Variants in WASF3 observed in about 807,000 individuals in gnomAD.
WASF3 encodes the protein WASP family member 3, also known as actin-binding protein WASF3.
A neutral mutation model predicts 46.6 loss-of-function variants in WASF3; 11 were observed. That is an observed-to-expected ratio of 0.24 (90% CI 0.15 to 0.39). The LOEUF (loss-of-function observed/expected upper bound fraction) is 0.39. Ranked by LOEUF, WASF3 falls within the 10% of genes least tolerant of loss-of-function variation. The probability of loss-of-function intolerance (pLI) is 1.00; values close to 1 mark genes in which losing one functional copy is unlikely to be tolerated. For synonymous variants in WASF3, 242 were observed against 259.7 expected (o/e 0.93, Z 0.65); for missense variants, 576 against 669.8 (o/e 0.86, Z 1.55).
Position 26,688,301 on chromosome 13 carries a change from C to T in WASF3, c.*2456C>T, listed in dbSNP as rs1320768334. ...TTTACCAAAACAAATGGAGAAGAAA[C>T]ATCCAAAAGCACATTTCATTTCTCC... On this transcript the variant is annotated 3_prime_UTR_variant, in exon 10 of 10. Coordinates refer to ENST00000335327, the MANE Select transcript of WASF3 (RefSeq NM_006646.6). 1 of 152,170 alleles carries T rather than the reference C, an allele frequency of 6.6e-6. No homozygotes were observed. The highest frequency in any genetic ancestry group is 1.5e-5 in the Non-Finnish European group (1 of 68,026). 9.4% of individuals were successfully genotyped at this position (152,170 alleles called of 1,614,324 possible). A position where few individuals can be genotyped will look rare whatever the true frequency, so the allele number is the denominator to read the frequency against.
chr13:26,558,862 AG>A (rs1323449989), intron 1 of WASF3, among the ~76,000 whole-genome samples: 1 of 152,222 alleles, frequency 6.6e-6, no homozygotes, highest in Non-Finnish European at 1.5e-5. Context: ...ACTTTTTATA[AG>A]GGGGAGAGGA....
intron 2 of WASF3, among the ~76,000 whole-genome samples, chr13:26,615,341 G>T (rs753137967): frequency 7.3e-5 from 11 of 151,650 alleles, no homozygotes; most frequent in Non-Finnish European, 1.2e-4. Flanking sequence ...ACGGAGTCTC[G>T]CTCTGTCACC....
chr13:26,564,175 C>T (rs1879386757), intron 1 of WASF3, among the ~76,000 whole-genome samples: 1 of 152,104 alleles, frequency 6.6e-6, no homozygotes, highest in African/African-American at 2.4e-5. Context: ...AAGCTGCTGC[C>T]CTCAGAAAGC....
At chr13:26,669,509 A>C (rs1882868445) in intron 5 of WASF3, among the ~76,000 whole-genome samples, 1 of 89,522 alleles carries the variant, frequency 1.1e-5, no homozygotes, top group African/African-American at 6.3e-5. Flanking sequence ...GTGACTGAAA[A>C]AAAAATTTTT....
chr13:26,673,577 T>C (rs1161602411), intron 6 of WASF3, among the ~76,000 whole-genome samples: 1 of 152,090 alleles, frequency 6.6e-6, no homozygotes, highest in Non-Finnish European at 1.5e-5. Context: ...AAATAGAAAA[T>C]GAGGCAAGAT....
Position 26,667,540 on chromosome 13 carries a change from A to G in WASF3, c.292A>G (p.Lys98Glu), listed in dbSNP as rs1882809048. 6.2e-7 allele frequency: 1 copy of G among 1,613,912 alleles called. No individual in the cohort carries two copies. Among genetic ancestry groups the G allele is most frequent in the Non-Finnish European group, 8.5e-7 (1 of 1,179,960 alleles). ...EEVSLQDINM[K>E]KAFKSSTVQD... is the part of the protein sequence containing the mutation. ...AGTCTCACTACAGGATATCAACATGAAAAAAGCTTTCAAAAGTTCCACAGT... is the reference window on the plus strand; with the variant it reads ...AGTCTCACTACAGGATATCAACATGGAAAAAGCTTTCAAAAGTTCCACAGT... The change falls in exon 5 of 10, where the codon AAA becomes GAA. Residue 98 changes from lysine (K) to glutamate (E), a missense_variant. Coordinates refer to ENST00000335327, the MANE Select transcript of WASF3 (RefSeq NM_006646.6).
At position 26,682,889 on chromosome 13, in the gene WASF3, C is replaced by T. The variant is rs1593189960; in HGVS notation, c.1266C>T (p.Pro422=). ...SSLSSSPMHG[P]PVAEAKRQEP... ...TTTCGTCCTCCCCAATGCATGGCCC[C>T]CCAGTAGCTGAGGCGAAGCGGCAAG... is the stretch of plus-strand genomic sequence containing the variant. Residue 422 remains proline, a synonymous_variant, in exon 9 of 10, where the codon CCC becomes CCT. Coordinates refer to ENST00000335327, the MANE Select transcript of WASF3 (RefSeq NM_006646.6). The surrounding 1 kb of genome is among the most constrained non-coding windows in gnomAD (Gnocchi z 4.4). The T allele has an allele frequency of 6.2e-7, 1 of 1,612,050 alleles. No individual in the cohort carries two copies.
Position 26,665,137 on chromosome 13 carries a change from C to T in WASF3, c.243C>T (p.Thr81=). Residue 81 remains threonine, a synonymous_variant, in exon 4 of 10, where the codon ACC becomes ACT. Coordinates refer to ENST00000335327, the MANE Select transcript of WASF3 (RefSeq NM_006646.6). ...TTGATCGCCTTGCTGTCAAAGTCAC[C>T]CAGCTGGATTCAACAGTGGAAGAGG... ...DRIDRLAVKV[T]QLDSTVEEVS... The T allele has an allele frequency of 6.2e-7, 1 of 1,614,020 alleles. No homozygotes were observed. The highest frequency in any genetic ancestry group is 8.5e-7 in the Non-Finnish European group (1 of 1,179,994).
chr13:26,680,913 A>G (rs1883205453), intron 7 of WASF3, 141 bp from the exon 8 acceptor site: 2 of 1,024,066 alleles, frequency 2.0e-6, no homozygotes, highest in Admixed American at 2.6e-5. Flanking sequence ...TCACGGGGCT[A>G]TACCTAGTTG....
At chr13:26,540,264 C>G in the WASF3 span, among the ~76,000 whole-genome samples, 1 of 152,202 alleles carries the variant, frequency 6.6e-6, no homozygotes, top group Non-Finnish European at 1.5e-5. Context: ...ATTCATCCCC[C>G]TCTCCCAAGG....
chr13:26,551,488 AAGTGTT>A, the WASF3 span, among the ~76,000 whole-genome samples: 2 of 152,208 alleles, frequency 1.3e-5, no homozygotes, highest in Non-Finnish European at 2.9e-5. Flanking sequence ...TATGCCTAGT[AAGTGTT>A]AGGCACTAGG....
chr13:26,609,423 A>G (rs1321262178), intron 1 of WASF3: 1 of 152,046 alleles, frequency 6.6e-6, no homozygotes, highest in Non-Finnish European at 1.5e-5. Flanking sequence ...ATTGGCTGTC[A>G]TAACGCTGCA....
At chr13:26,657,418 A>G (rs1593173962) in intron 3 of WASF3, among the ~76,000 whole-genome samples, 1 of 152,226 alleles carries the variant, frequency 6.6e-6, no homozygotes, top group African/African-American at 2.4e-5. Flanking sequence ...CATTTGATGT[A>G]CCTGCTAGAC....
At chr13:26,647,008 T>C (rs1238082724) in intron 3 of WASF3, among the ~76,000 whole-genome samples, 5 of 152,200 alleles carry the variant, frequency 3.3e-5, no homozygotes, top group Non-Finnish European at 7.3e-5. Flanking sequence ...TTTTAGGAAA[T>C]CTGTAGGTTT....
At chr13:26,562,875 C>CTTCCCT (rs1267649157) in intron 1 of WASF3, among the ~76,000 whole-genome samples, 2 of 39,490 alleles carry the variant, frequency 5.1e-5, no homozygotes, top group African/African-American at 2.5e-4. Flanking sequence ...TCCTCCCTCC[C>CTTCCCT]TTCCCCTTCG....
chr13:26,563,460 G>C (rs1312831363), intron 1 of WASF3, among the ~76,000 whole-genome samples: 1 of 151,870 alleles, frequency 6.6e-6, no homozygotes, highest in East Asian at 1.9e-4. Context: ...TTCGAGAACA[G>C]CATGGCCAAC....
At position 26,667,606 on chromosome 13, in the gene WASF3, C is replaced by G; in HGVS notation, c.358C>G (p.Pro120Ala). 1 of 1,614,004 alleles carries G rather than the reference C, an allele frequency of 6.2e-7. No individual in the cohort carries two copies. Among genetic ancestry groups the G allele is most frequent in the Non-Finnish European group, 8.5e-7 (1 of 1,179,896 alleles). Residue 120 changes from proline (P) to alanine (A), a missense_variant, in exon 5 of 10, where the codon CCT becomes GCT. Coordinates refer to ENST00000335327, the MANE Select transcript of WASF3 (RefSeq NM_006646.6). The stretch of plus-strand genomic sequence containing the variant: ...GGTTTCAAAGAACAGCATTCCTAAT[C>G]CTGTTGCTGATATTTACAACCAGAG... ...QVVSKNSIPNPVADIYNQSDK... is the reference protein window; with the variant it reads ...QVVSKNSIPNAVADIYNQSDK...
chr13:26,632,759 C>G (rs532373350), intron 2 of WASF3, among the ~76,000 whole-genome samples: 1 of 152,174 alleles, frequency 6.6e-6, no homozygotes, highest in African/African-American at 2.4e-5. Context: ...ACCAGCTCCT[C>G]TTTGTACCTC....
chr13:26,649,274 G>A (rs1038839309), intron 3 of WASF3, among the ~76,000 whole-genome samples: 1 of 152,152 alleles, frequency 6.6e-6, no homozygotes, highest in African/African-American at 2.4e-5. Context: ...ATAAATATGA[G>A]ATAGGTGGAA....
Sources: gnomAD v4.1 joint callset for allele counts (sites outside exome capture counted in the v4.1 genomes callset) on GRCh38, gnomAD v4.1.1 for gene constraint, Gnocchi (gnomAD v3.1) non-coding constraint, MANE v1.5 for transcripts, NCBI Gene and HGNC (gene_info 2026-07-23, HGNC 2026-07-21) for gene names.